VANGL1: variants seen among roughly 807,000 people sequenced by gnomAD.
The protein encoded by VANGL1 is vang-like protein 1.
VANGL1 carries 18 observed loss-of-function variants against 48.4 expected under a neutral mutation model. The observed-to-expected ratio is 0.37, with a 90% confidence interval of 0.26 to 0.55. The LOEUF (loss-of-function observed/expected upper bound fraction) is 0.55, where lower values mean the gene tolerates loss of function less well. VANGL1 is among the 20% of genes least tolerant of loss of function. VANGL1 has a pLI of 0.81. For missense variants in VANGL1, 667 were observed against 675.8 expected (o/e 0.99, Z 0.14); for synonymous variants, 257 against 261.8 (o/e 0.98, Z 0.18).
intron 1 of VANGL1, among the ~76,000 whole-genome samples, chr1:115,649,427 G>A (rs2997744): frequency 0.4 from 61,103 of 151,996 alleles, 16,552 homozygotes; most frequent in African/African-American, 0.78. Flanking sequence ...TGTGTGCTCC[G>A]TTCTGTCTGA....
intron 4 of VANGL1, among the ~76,000 whole-genome samples, chr1:115,675,577 A>T (rs1418421979): frequency 6.6e-6 from 1 of 152,080 alleles, no homozygotes; most frequent in Non-Finnish European, 1.5e-5. Flanking sequence ...AGGCAGGTGG[A>T]TCATCTGAGG....
chr1:115,682,002 C>T (rs961040660), intron 4 of VANGL1, among the ~76,000 whole-genome samples: 2 of 152,244 alleles, frequency 1.3e-5, no homozygotes, highest in Admixed American at 6.5e-5. Flanking sequence ...GTCTCTTGCC[C>T]TTTTGGGGGC....
intron 3 of VANGL1, among the ~76,000 whole-genome samples, chr1:115,662,136 T>C (rs537381051): frequency 2.0e-4 from 30 of 152,330 alleles, no homozygotes; most frequent in Admixed American, 1.1e-3. Context: ...CTTCTGACTT[T>C]GCAAGTTGAA....
At chr1:115,659,545 A>T in intron 2 of VANGL1, 96 bp from the exon 3 acceptor site, 1 of 1,483,052 alleles carries the variant, frequency 6.7e-7, no homozygotes, top group Non-Finnish European at 9.3e-7. Context: ...GTGTGTATGT[A>T]GAATTTCCCT....
chr1:115,651,369 A>C lies in VANGL1; in HGVS notation c.-45A>C, dbSNP rs1288378213. 6.3e-7 allele frequency: 1 copy of C among 1,586,168 alleles called. No homozygotes were observed. Among genetic ancestry groups the C allele is most frequent in the African/African-American group, 1.3e-5 (1 of 74,266 alleles). On this transcript the variant is annotated 5_prime_UTR_variant, in exon 2 of 8. Transcript: ENST00000355485. ...TAGGTGAAATTTTCTACCTCTAAGG[A>C]GAAACAGTACCTGCTCCTTCCTCAA...
At chr1:115,688,643 A>AG (rs1653723375) in intron 7 of VANGL1, among the ~76,000 whole-genome samples, 1 of 137,642 alleles carries the variant, frequency 7.3e-6, no homozygotes, top group Non-Finnish European at 1.6e-5. Context: ...TTGCCCTCCT[A>AG]GGGGGTGTAC....
intron 4 of VANGL1, among the ~76,000 whole-genome samples, chr1:115,681,328 C>G (rs1363078085): frequency 6.7e-6 from 1 of 149,660 alleles, no homozygotes; most frequent in East Asian, 2.0e-4. Context: ...GGTACCTGTT[C>G]TTTGTTCCCC....
intron 2 of VANGL1, among the ~76,000 whole-genome samples, chr1:115,656,920 A>T (rs1389931036): frequency 6.6e-6 from 1 of 152,244 alleles, no homozygotes; most frequent in Non-Finnish European, 1.5e-5. Context: ...TTAGGTGAGC[A>T]TGTGACTTGG....
Position 115,673,458 on chromosome 1 carries a change from A to G in VANGL1, c.813-8906A>G, listed in dbSNP as rs576116268. Among the ~76,000 whole-genome samples the G allele has an allele frequency of 2.6e-5, 4 of 152,222 alleles. No individual in the cohort carries two copies. The East Asian group carries it at 7.7e-4, about 29-fold the overall frequency. ...CAGCTGTGCTCCCCGCAAAGCCTCT[A>G]GGGAAGAATCCTTCCTTGCCTCTTC... On this transcript the variant is annotated intron_variant, in intron 4 of 7. Coordinates refer to ENST00000355485, the MANE Select transcript of VANGL1 (RefSeq NM_138959.3).
At position 115,685,660 on chromosome 1, in the gene VANGL1, G is replaced by A; in HGVS notation, c.1314+133G>A. The stretch of plus-strand genomic sequence containing the variant: ...TAAAACTCAAGTAATAAGAATTAGT[G>A]ATTCTCACTTATTTTATGTTATGTT... On this transcript the variant is annotated intron_variant, in intron 7 of 7. Coordinates refer to ENST00000355485, the MANE Select transcript of VANGL1 (RefSeq NM_138959.3). The A allele has an allele frequency of 2.1e-6, 2 of 948,538 alleles. 1 individual carries two copies. The highest frequency in any genetic ancestry group is 3.3e-6 in the Non-Finnish European group (2 of 604,206). 58.8% of individuals were successfully genotyped at this position (948,538 alleles called of 1,614,324 possible). A position where few individuals can be genotyped will look rare whatever the true frequency, so the allele number is the denominator to read the frequency against.
At chr1:115,688,408 G>A (rs1228279666) in intron 7 of VANGL1, among the ~76,000 whole-genome samples, 1 of 139,040 alleles carries the variant, frequency 7.2e-6, no homozygotes, top group African/African-American at 2.7e-5. Context: ...TGTTATTTAT[G>A]TATCACCTAT....
rs369353530 is a variant in VANGL1, at chr1:115,668,867, T to C, written c.812+4599T>C. Among the ~76,000 whole-genome samples the C allele has an allele frequency of 3.3e-5, 5 of 152,268 alleles. No individual in the cohort carries two copies. The South Asian group carries it at 8.3e-4, about 25-fold the overall frequency. ...GCAGAAGCTCCCAGGCCTTTTAAGG[T>C]CTGGGCCTGGAACTGTCCCAGTAGT... On this transcript the variant is annotated intron_variant, in intron 4 of 7. Coordinates refer to ENST00000355485, the MANE Select transcript of VANGL1 (RefSeq NM_138959.3).
chr1:115,646,126 T>A (rs1372714329), intron 1 of VANGL1, among the ~76,000 whole-genome samples: 3 of 152,166 alleles, frequency 2.0e-5, no homozygotes, highest in Non-Finnish European at 2.9e-5. Context: ...AGGAGAGAAT[T>A]CTGTTTGAGG....
Position 115,696,055 on chromosome 1 carries a change from C to G in VANGL1, c.*4676C>G, listed in dbSNP as rs886045143. 3 of 152,270 alleles carry G rather than the reference C, an allele frequency of 2.0e-5. No homozygotes were observed. The highest frequency in any genetic ancestry group is 2.1e-4 in the South Asian group (1 of 4,832). 9.4% of individuals were successfully genotyped at this position (152,270 alleles called of 1,614,324 possible). ...TGAGAATCCCTTCTGGAAAACCCAG[C>G]CTTTCAGTGTTAACACCTGCTGCAA... On this transcript the variant is annotated 3_prime_UTR_variant, in exon 8 of 8. Coordinates refer to ENST00000355485, the MANE Select transcript of VANGL1 (RefSeq NM_138959.3).
At chr1:115,687,715 G>C (rs1653681836) in intron 7 of VANGL1, among the ~76,000 whole-genome samples, 2 of 110,652 alleles carry the variant, frequency 1.8e-5, no homozygotes, top group Non-Finnish European at 3.7e-5. Context: ...CTGTGTGTGT[G>C]TGTGTGTGTG....
At chr1:115,655,521 C>T (rs1313750612) in intron 2 of VANGL1, among the ~76,000 whole-genome samples, 3 of 152,170 alleles carry the variant, frequency 2.0e-5, no homozygotes, top group African/African-American at 4.8e-5. Context: ...CTCATACAGG[C>T]AGATGTTGCG....
rs1428639431 is a variant in VANGL1, at chr1:115,688,321, A to G, written c.1314+2794A>G. Among the ~76,000 whole-genome samples, 2 of 138,096 alleles carry G rather than the reference A, an allele frequency of 1.4e-5. 1 individual carries two copies. The highest frequency in any genetic ancestry group is 3.2e-5 in the Non-Finnish European group (2 of 63,262). 90.6% of individuals were successfully genotyped at this position (138,096 alleles called of 152,430 possible). ...TGATTGTCTGTTGATGCACATTTGGATTAAGAGTTTTCATTAGTGAAAGCC... is the reference window on the plus strand; with the variant it reads ...TGATTGTCTGTTGATGCACATTTGGGTTAAGAGTTTTCATTAGTGAAAGCC... On this transcript the variant is annotated intron_variant, in intron 7 of 7. Coordinates refer to ENST00000355485, the MANE Select transcript of VANGL1 (RefSeq NM_138959.3).
chr1:115,673,432 A>C (rs1653053806), intron 4 of VANGL1, among the ~76,000 whole-genome samples: 1 of 152,144 alleles, frequency 6.6e-6, no homozygotes, highest in African/African-American at 2.4e-5. Context: ...AGGTGTTGGC[A>C]CAGCTGTGCT....
At chr1:115,681,449 C>T (rs1653379213) in intron 4 of VANGL1, among the ~76,000 whole-genome samples, 1 of 151,038 alleles carries the variant, frequency 6.6e-6, no homozygotes, top group Non-Finnish European at 1.5e-5. Context: ...CTCCAAGGGG[C>T]AGGGGGACCC....
Sources: allele counts gnomAD v4.1 joint callset (sites outside exome capture counted in the v4.1 genomes callset), GRCh38; gene constraint gnomAD v4.1.1; transcripts MANE v1.5; gene names NCBI Gene and HGNC (gene_info 2026-07-23, HGNC 2026-07-21).